Variants in GHRHR observed in about 807,000 individuals in gnomAD.
GHRHR encodes the protein growth hormone releasing hormone receptor.
GHRHR carries 40 observed loss-of-function variants against 58.3 expected under a neutral mutation model. The observed-to-expected ratio is 0.69, with a 90% confidence interval of 0.53 to 0.89. The LOEUF is 0.89. Ranked by LOEUF, GHRHR falls within the 40% of genes least tolerant of loss-of-function variation. The pLI is 0.00. For synonymous variants in GHRHR, 249 were observed against 216.6 expected, an observed-to-expected ratio of 1.15 and a Z score of -1.31; for missense variants, 551 against 541.3, an observed-to-expected ratio of 1.02 and a Z score of -0.18.
At chr7:30,977,437 C>G in intron 12 of GHRHR, 115 bp downstream of exon 12, 3 of 865,390 alleles carry the variant, frequency 3.5e-6, no homozygotes, top group Non-Finnish European at 6.0e-6. Flanking sequence ...CACCTTCACT[C>G]TTGTGAGCTT....
intron 1 of GHRHR, among the ~76,000 whole-genome samples, chr7:30,967,643 G>A (rs1173173869): frequency 7.8e-6 from 1 of 128,068 alleles, no homozygotes; most frequent in Non-Finnish European, 1.6e-5. Context: ...TTGTCTGTCT[G>A]TCTGTATACT....
intron 5 of GHRHR, among the ~76,000 whole-genome samples, chr7:30,971,568 C>T (rs1792480559): frequency 6.6e-6 from 1 of 152,134 alleles, no homozygotes; most frequent in Admixed American, 6.5e-5. Context: ...CCACTGTCCC[C>T]TTTAAGACCC....
At position 30,964,139 on chromosome 7, in the gene GHRHR, T is replaced by A; in HGVS notation, c.57+14T>A. ...CCGTTACCGACCGTGAGTAGCCAGC[T>A]GAGACCCTCTGGCCTCTGCCACTGG... On this transcript the variant is annotated intron_variant, in intron 1 of 12. Transcript: ENST00000326139. 5.2e-6 allele frequency: 8 copies of A among 1,545,122 alleles called. No individual in the cohort carries two copies. The highest frequency in any genetic ancestry group is 1.8e-4 in the Middle Eastern group (1 of 5,512).
chr7:30,977,439 T>G, intron 12 of GHRHR, 117 bp downstream of exon 12: 3 of 840,322 alleles, frequency 3.6e-6, no homozygotes, highest in Non-Finnish European at 6.3e-6. Context: ...CCTTCACTCT[T>G]GTGAGCTTTT....
Position 30,976,538 on chromosome 7 carries a change from C to G in GHRHR, c.1084C>G (p.Leu362Val). The change falls in exon 11 of 13, where the codon CTG becomes GTG. Residue 362 changes from leucine (L) to valine (V), a missense_variant. Transcript: ENST00000326139. Reference protein sequence around the residue: ...AGLGIRLPLELGLGSFQGFIV... With the variant: ...AGLGIRLPLEVGLGSFQGFIV... ...CCTGGGCATCCGCCTCCCCCTGGAG[C>G]TGGGACTGGGTTCCTTCCAGGTGAG... 1 of 1,613,496 alleles carries G rather than the reference C, an allele frequency of 6.2e-7. No individual in the cohort carries two copies. The highest frequency in any genetic ancestry group is 8.5e-7 in the Non-Finnish European group (1 of 1,179,650).
At chr7:30,977,343 T>C (rs1792610656) in intron 12 of GHRHR, 21 bp downstream of exon 12, 2 of 1,610,814 alleles carry the variant, frequency 1.2e-6, no homozygotes, top group Non-Finnish European at 1.7e-6. Context: ...TTTGAGGCTA[T>C]CCCTCATGGA....
intron 8 of GHRHR, 123 bp downstream of exon 8, chr7:30,974,612 G>A (rs557039596): frequency 1.2e-5 from 9 of 778,410 alleles, no homozygotes; most frequent in Admixed American, 5.5e-5. Flanking sequence ...CGGCTAGGAT[G>A]GGGGGTGGGA....
At chr7:30,966,144 C>T (rs567534240) in intron 1 of GHRHR, among the ~76,000 whole-genome samples, 5 of 152,070 alleles carry the variant, frequency 3.3e-5, no homozygotes, top group Non-Finnish European at 7.4e-5. Flanking sequence ...TGGGGGTGAC[C>T]CTCCTTACTG....
chr7:30,968,158 A>G (rs1333303265), intron 1 of GHRHR, among the ~76,000 whole-genome samples: 1 of 152,188 alleles, frequency 6.6e-6, no homozygotes, highest in African/African-American at 2.4e-5. Flanking sequence ...TTGCATCTCA[A>G]GATCCTGAAC....
At chr7:30,974,397 C>T (rs748818417) in intron 7 of GHRHR, 32 bp from the exon 8 acceptor site, 2 of 1,519,564 alleles carry the variant, frequency 1.3e-6, no homozygotes, top group South Asian at 1.1e-5. Flanking sequence ...GATGCAGACT[C>T]CCTCGCTTGT....
At chr7:30,974,398 C>T in intron 7 of GHRHR, 31 bp from the exon 8 acceptor site, 1 of 1,533,634 alleles carries the variant, frequency 6.5e-7, no homozygotes, top group South Asian at 1.1e-5. Flanking sequence ...ATGCAGACTC[C>T]CTCGCTTGTG....
chr7:30,971,924 TG>T, intron 5 of GHRHR, 38 bp from the exon 6 acceptor site: 5 of 1,609,836 alleles, frequency 3.1e-6, no homozygotes, highest in Non-Finnish European at 4.3e-6. Flanking sequence ...CCCCTCTCCC[TG>T]CTTGCTTCTT....
At position 30,964,124 on chromosome 7, in the gene GHRHR, C is replaced by A; in HGVS notation, c.56C>A (p.Thr19Asn). ...HVFCVLSPLP[T>N]VLGHMHPECD... is the part of the protein sequence containing the mutation. ...TTCTGCGTGTTGAGCCCGTTACCGA[C>A]CGTGAGTAGCCAGCTGAGACCCTCT... The change falls in exon 1 of 13, where the codon ACC becomes AAC. Residue 19 changes from threonine to asparagine, a missense_variant and splice_region_variant. Thr to Asn is a moderately conservative substitution (Grantham distance 65). Coordinates refer to ENST00000326139, the MANE Select transcript of GHRHR (RefSeq NM_000823.4). The A allele has an allele frequency of 1.3e-6, 2 of 1,548,284 alleles. No homozygotes were observed. The highest frequency in any genetic ancestry group is 1.7e-6 in the Non-Finnish European group (2 of 1,146,892).
chr7:30,974,100 CAAG>C lies in GHRHR; in HGVS notation c.714_716del (p.Arg240del). On this transcript the variant is annotated inframe_deletion, in exon 7 of 13. Transcript: ENST00000326139. ...CTCCTGGCCTCCACCTCCCCCAGCT[CAAG>C]GAGAGCCTTCTGGTGGCTGGTTCTC... 1 of 1,614,160 alleles carries C rather than the reference CAAG, an allele frequency of 6.2e-7. No individual in the cohort carries two copies. The highest frequency in any genetic ancestry group is 1.1e-5 in the South Asian group (1 of 91,068).
intron 6 of GHRHR, among the ~76,000 whole-genome samples, chr7:30,972,347 A>G (rs939450065): frequency 1.3e-5 from 2 of 152,132 alleles, no homozygotes; most frequent in African/African-American, 4.8e-5. Flanking sequence ...AGTCCAACCT[A>G]GACCACGTTT....
chr7:30,974,315 T>C (rs1792534641), intron 7 of GHRHR, 114 bp from the exon 8 acceptor site: 1 of 1,101,716 alleles, frequency 9.1e-7, no homozygotes, highest in Non-Finnish European at 1.4e-6. Context: ...GGGTCCTGCC[T>C]GGCCCTGCCT....
chr7:30,965,316 A>G (rs1306060427), intron 1 of GHRHR, among the ~76,000 whole-genome samples: 1 of 152,204 alleles, frequency 6.6e-6, no homozygotes, highest in Admixed American at 6.5e-5. Flanking sequence ...CAGTGTGGGC[A>G]TCATCCCCTG....
At position 30,974,904 on chromosome 7, in the gene GHRHR, G is replaced by A. The variant is rs113782073; in HGVS notation, c.813-67G>A. 4.2e-5 allele frequency: 42 copies of A among 996,574 alleles called. 4 individuals carry two copies. In the African/African-American group the frequency reaches 4.6e-4, roughly 11 times the overall value. 61.7% of individuals were successfully genotyped at this position (996,574 alleles called of 1,614,324 possible). On this transcript the variant is annotated intron_variant, in intron 8 of 12. Coordinates refer to ENST00000326139, the MANE Select transcript of GHRHR (RefSeq NM_000823.4). ...GACCAGAAGGCATGAATGCCTGAGA[G>A]GGAGGTGCCTGCGTCACCACAGTGA... is the stretch of plus-strand genomic sequence containing the variant.
Position 30,974,106 on chromosome 7 carries a change from G to A in GHRHR, c.719G>A (p.Arg240Lys), listed in dbSNP as rs1226967490. The change falls in exon 7 of 13, where the codon AGA (arginine) becomes AAA (lysine). Residue 240 changes from arginine to lysine, a missense_variant. By Grantham distance (26) the Arg-to-Lys change is conservative. Transcript: ENST00000326139. ...LLASTSPSSR[R>K]AFWWLVLAGW... ...GCCTCCACCTCCCCCAGCTCAAGGA[G>A]AGCCTTCTGGTGGCTGGTTCTCGCT... 6 of 1,614,070 alleles carry A rather than the reference G, an allele frequency of 3.7e-6. No homozygotes were observed. Among genetic ancestry groups the A allele is most frequent in the Non-Finnish European group, 5.1e-6 (6 of 1,180,040 alleles).
Sources: gnomAD v4.1 joint callset for allele counts (sites outside exome capture counted in the v4.1 genomes callset) on GRCh38, gnomAD v4.1.1 for gene constraint, MANE v1.5 for transcripts, NCBI Gene and HGNC (gene_info 2026-07-23, HGNC 2026-07-21) for gene names.